The following FHIT variants were observed in gnomAD, a reference collection of about 807,000 sequenced individuals.
FHIT encodes fragile histidine triad diadenosine triphosphatase.
In FHIT, 19 loss-of-function variants were observed where a neutral mutation model predicts 17.9. The ratio of observed to expected loss-of-function variants is 1.06; its 90% confidence interval spans 0.74 to 1.56. The LOEUF (loss-of-function observed/expected upper bound fraction) is 1.56. Among genes scored for constraint, FHIT ranks in the 40% most tolerant of loss-of-function variants. FHIT has a pLI of 0.00. For synonymous variants in FHIT, 81 were observed against 69.7 expected (o/e 1.16, Z -0.81); for missense variants, 248 against 189.2 (o/e 1.31, Z -1.82).
chr3:60,612,483 A>G (rs1177156936), intron 4 of FHIT, among the ~76,000 whole-genome samples: 1 of 152,240 alleles, frequency 6.6e-6, no homozygotes, highest in African/African-American at 2.4e-5. Context: ...TTATCAGGAA[A>G]TCTATGCCTG....
chr3:60,418,353 T>C (rs1702326857), intron 5 of FHIT, among the ~76,000 whole-genome samples: 1 of 139,918 alleles, frequency 7.1e-6, no homozygotes. Context: ...TATACAAACC[T>C]ATATATATGT....
chr3:60,568,381 C>G (rs1450866717), intron 4 of FHIT, among the ~76,000 whole-genome samples: 1 of 151,940 alleles, frequency 6.6e-6, no homozygotes, highest in African/African-American at 2.4e-5. Context: ...ACCGCGTGTT[C>G]TCACTCATAG....
At chr3:61,173,969 A>G (rs1275050031) in intron 2 of FHIT, among the ~76,000 whole-genome samples, 25 of 152,224 alleles carry the variant, frequency 1.6e-4, no homozygotes, top group Non-Finnish European at 1.5e-5. Flanking sequence ...GTGAACTGCA[A>G]TTGAAAAAAG....
At chr3:60,335,671 C>G (rs1710200718) in intron 5 of FHIT, among the ~76,000 whole-genome samples, 1 of 152,104 alleles carries the variant, frequency 6.6e-6, no homozygotes, top group South Asian at 2.1e-4. Flanking sequence ...TCAGCACACA[C>G]ACACACAAAA....
intron 5 of FHIT, among the ~76,000 whole-genome samples, chr3:60,187,476 G>C (rs922163427): frequency 2.0e-5 from 3 of 152,122 alleles, no homozygotes; most frequent in Non-Finnish European, 4.4e-5. Flanking sequence ...GGTTTCCTGT[G>C]AAACACGCAA....
At chr3:60,845,645 C>T (rs1344477114) in intron 3 of FHIT, among the ~76,000 whole-genome samples, 6 of 152,046 alleles carry the variant, frequency 3.9e-5, no homozygotes, top group South Asian at 2.1e-4. Flanking sequence ...TACAAATATC[C>T]TCCAATTCTG....
At chr3:61,184,198 C>A (rs905473394) in intron 2 of FHIT, among the ~76,000 whole-genome samples, 1 of 152,058 alleles carries the variant, frequency 6.6e-6, no homozygotes, top group Non-Finnish European at 1.5e-5. Flanking sequence ...GATTCACACA[C>A]CTCTCGGCTA....
chr3:59,822,096 A>C (rs543693632), intron 8 of FHIT, among the ~76,000 whole-genome samples: 2 of 152,318 alleles, frequency 1.3e-5, no homozygotes, highest in South Asian at 4.1e-4. Context: ...AATAGTCCCC[A>C]GTTCCATCCA....
At chr3:59,971,255 T>C (rs528796539) in intron 7 of FHIT, among the ~76,000 whole-genome samples, 44 of 152,238 alleles carry the variant, frequency 2.9e-4, no homozygotes, top group Admixed American at 5.9e-4. Context: ...TTACAGGGAA[T>C]ACGAAATCTT....
At chr3:60,868,081 T>A (rs1339173613) in intron 3 of FHIT, among the ~76,000 whole-genome samples, 5 of 152,250 alleles carry the variant, frequency 3.3e-5, no homozygotes, top group African/African-American at 1.2e-4. Context: ...TGAAGGTTTT[T>A]AAATAAAAAC....
At chr3:60,180,794 G>A (rs980555430) in intron 5 of FHIT, among the ~76,000 whole-genome samples, 1 of 152,034 alleles carries the variant, frequency 6.6e-6, no homozygotes, top group Non-Finnish European at 1.5e-5. Context: ...GTATCTGGAA[G>A]AACCAAACAG....
intron 1 of FHIT, among the ~76,000 whole-genome samples, chr3:61,213,185 G>T (rs1225483052): frequency 6.6e-6 from 1 of 152,182 alleles, no homozygotes; most frequent in African/African-American, 2.4e-5. Flanking sequence ...TGGACTAAAT[G>T]TTCCAATTAA....
rs559935283 is a variant in FHIT, at chr3:61,136,784, C to G, written c.-164+63833G>C. Among the ~76,000 whole-genome samples the G allele has an allele frequency of 2.1e-4, 32 of 152,154 alleles. No individual in the cohort carries two copies. The South Asian group carries it at 6.4e-3, about 31-fold the overall frequency. On this transcript the variant is annotated intron_variant, in intron 2 of 9. Transcript: ENST00000492590. The stretch of plus-strand genomic sequence containing the variant: ...GTTGGTACTCAGGAAAACCTTCTGT[C>G]GAATGAAGGACTATCATGCTGTTAT...
intron 4 of FHIT, among the ~76,000 whole-genome samples, chr3:60,781,955 A>G (rs1174555987): frequency 1.3e-5 from 2 of 152,152 alleles, no homozygotes; most frequent in Admixed American, 6.6e-5. Flanking sequence ...CATCACCTCA[A>G]ATACCTACCA....
intron 3 of FHIT, among the ~76,000 whole-genome samples, chr3:60,830,229 T>C (rs1702284200): frequency 6.6e-6 from 1 of 152,168 alleles, no homozygotes; most frequent in Non-Finnish European, 1.5e-5. Flanking sequence ...TTTTCTCTTG[T>C]TTCTGGGTCT....
At chr3:61,074,206 A>G (rs563051635) in intron 2 of FHIT, among the ~76,000 whole-genome samples, 59 of 152,334 alleles carry the variant, frequency 3.9e-4, no homozygotes, top group Middle Eastern at 6.8e-3. Flanking sequence ...TTTATCTTAT[A>G]GAATCCTTCA....
At chr3:60,418,417 TATATATATAC>T (rs57656565) in intron 5 of FHIT, among the ~76,000 whole-genome samples, 6,998 of 52,100 alleles carry the variant, frequency 0.13, 854 homozygotes, top group South Asian at 0.22. Flanking sequence ...TATATATATA[TATATATATAC>T]GTGTATACAC....
chr3:60,736,752 AC>A (rs1553712718), intron 4 of FHIT, among the ~76,000 whole-genome samples: 1 of 152,202 alleles, frequency 6.6e-6, no homozygotes, highest in African/African-American at 2.4e-5. Context: ...TACTAAAACC[AC>A]CAAGTTTCAC....
intron 5 of FHIT, among the ~76,000 whole-genome samples, chr3:60,367,079 T>C (rs1401362386): frequency 6.6e-6 from 1 of 152,232 alleles, no homozygotes; most frequent in African/African-American, 2.4e-5. Flanking sequence ...ATGAGACTCA[T>C]CAATACTCAA....
Sources: gnomAD v4.1 joint callset for allele counts (sites outside exome capture counted in the v4.1 genomes callset) on GRCh38, gnomAD v4.1.1 for gene constraint, MANE v1.5 for transcripts, NCBI Gene and HGNC (gene_info 2026-07-23, HGNC 2026-07-21) for gene names.